ZNF500: variants seen among roughly 807,000 people sequenced by gnomAD.
ZNF500 encodes the protein zinc finger protein with KRAB and SCAN domains 18.
Under a neutral mutation model 30.1 loss-of-function variants are expected in ZNF500, and 31 were observed. The observed-to-expected ratio is 1.03, with a 90% CI of 0.77 to 1.39. ZNF500 has a LOEUF of 1.39. Ranked by LOEUF, ZNF500 falls within the 40% of genes most tolerant of loss-of-function variation. The pLI, the probability that ZNF500 is intolerant of heterozygous loss-of-function variation, is 0.00. For missense variants in ZNF500, 817 were observed against 657.8 expected (o/e 1.24, Z -2.65); for synonymous variants, 392 against 282.0 (o/e 1.39, Z -3.91).
At chr16:4,755,191 C>T (rs889801253) in intron 5 of ZNF500, among the ~76,000 whole-genome samples, 3 of 152,184 alleles carry the variant, frequency 2.0e-5, no homozygotes, top group Admixed American at 6.5e-5. Context: ...CACAGGGCCT[C>T]ACTATATTGC....
chr16:4,757,456 G>A (rs1288849165), intron 5 of ZNF500, among the ~76,000 whole-genome samples: 1 of 151,792 alleles, frequency 6.6e-6, no homozygotes, highest in East Asian at 1.9e-4. Context: ...GGGACTACAG[G>A]CATGCACCAC....
rs913435650 is a variant in ZNF500, at chr16:4,752,190, T to C, written c.*186A>G. 1.1e-5 allele frequency: 15 copies of C among 1,414,392 alleles called. No homozygotes were observed. In the African/African-American group the frequency reaches 1.7e-4, roughly 16 times the overall value. The allele number at this position is 1,414,392 out of a possible 1,614,324, so 87.6% of individuals were successfully genotyped here. A position where few individuals can be genotyped will look rare whatever the true frequency, so the allele number is the denominator to read the frequency against. Reference sequence around the variant, plus strand: ...GGACACTCAGAGCCTGTCCTTGCCCTTGTTCTGCACCCAGTGCCCAGCTTC... The same window carrying C: ...GGACACTCAGAGCCTGTCCTTGCCCCTGTTCTGCACCCAGTGCCCAGCTTC... On this transcript the variant is annotated 3_prime_UTR_variant, in exon 6 of 6. Coordinates refer to ENST00000219478, the MANE Select transcript of ZNF500 (RefSeq NM_021646.4).
downstream of ZNF500, chr16:4,744,791 G>C: frequency 6.7e-7 from 1 of 1,500,470 alleles, no homozygotes; most frequent in South Asian, 1.2e-5. Flanking sequence ...GAGACCCCAG[G>C]GGTCCTGAGG....
chr16:4,762,798 C>T, intron 2 of ZNF500, 42 bp from the exon 3 acceptor site: 1 of 1,540,096 alleles, frequency 6.5e-7, no homozygotes, highest in Non-Finnish European at 8.8e-7. Context: ...CCCAGAAGGC[C>T]AGAAGGAAAA....
downstream of ZNF500, chr16:4,746,319 G>C: frequency 1.3e-6 from 2 of 1,548,920 alleles, no homozygotes; most frequent in South Asian, 1.2e-5. Flanking sequence ...ACCCAGCGCA[G>C]GTCACAGAGT....
intron 1 of ZNF500, 132 bp from the exon 2 acceptor site, chr16:4,766,208 G>C (rs2082264019): frequency 4.4e-6 from 2 of 453,838 alleles, no homozygotes; most frequent in South Asian, 1.0e-4. Flanking sequence ...GTGGATGAAT[G>C]TCATCTTTGT....
At chr16:4,765,416 C>T in intron 2 of ZNF500, 149 bp downstream of exon 2, 1 of 1,119,670 alleles carries the variant, frequency 8.9e-7, no homozygotes, top group East Asian at 2.5e-5. Context: ...TTAGCCAAGG[C>T]TGAGAAATCT....
chr16:4,751,344 C>T lies in ZNF500; in HGVS notation c.*1032G>A. 2.0e-6 allele frequency: 1 copy of T among 512,038 alleles called. No individual in the cohort carries two copies. Among genetic ancestry groups the T allele is most frequent in the Admixed American group, 3.5e-5 (1 of 28,338 alleles). 31.7% of individuals were successfully genotyped at this position (512,038 alleles called of 1,614,324 possible). On this transcript the variant is annotated 3_prime_UTR_variant, in exon 6 of 6. Transcript: ENST00000219478. The stretch of plus-strand genomic sequence containing the variant: ...CAACCGTGGAAGGCCACATTCCAGA[C>T]ACTAAGGGGCCAGGAGCAAACGCAG...
At chr16:4,759,190 G>T (rs1379540501) in intron 5 of ZNF500, among the ~76,000 whole-genome samples, 1 of 151,486 alleles carries the variant, frequency 6.6e-6, no homozygotes, top group Non-Finnish European at 1.5e-5. Context: ...ACTCCAGCCT[G>T]GGCAACAGAG....
chr16:4,759,436 A>T (rs2082173629), intron 5 of ZNF500, among the ~76,000 whole-genome samples: 1 of 152,054 alleles, frequency 6.6e-6, no homozygotes, highest in African/African-American at 2.4e-5. Context: ...TCAGAGATAC[A>T]CTTGTACACC....
chr16:4,765,980 G>C lies in ZNF500; in HGVS notation c.-2C>G. ...CTGGAGGCCAGGGACAGTGGCCATT[G>C]CTTCCGGTGGGCCTTGTTCCTTTTC... is the stretch of plus-strand genomic sequence containing the variant. On this transcript the variant is annotated 5_prime_UTR_variant, in exon 2 of 6. Coordinates refer to ENST00000219478, the MANE Select transcript of ZNF500 (RefSeq NM_021646.4). 1 of 1,548,162 alleles carries C rather than the reference G, an allele frequency of 6.5e-7. No individual in the cohort carries two copies. The highest frequency in any genetic ancestry group is 8.7e-7 in the Non-Finnish European group (1 of 1,151,640).
rs2082077552 is a variant in ZNF500 at position 4,751,522 on chromosome 16, C to A, written c.*854G>T. 6.6e-7 allele frequency: 1 copy of A among 1,507,452 alleles called. No homozygotes were observed. The highest frequency in any genetic ancestry group is 8.9e-7 in the Non-Finnish European group (1 of 1,129,180). The allele number at this position is 1,507,452 out of a possible 1,614,324, so 93.4% of individuals were successfully genotyped here. On this transcript the variant is annotated 3_prime_UTR_variant, in exon 6 of 6. Coordinates refer to ENST00000219478, the MANE Select transcript of ZNF500 (RefSeq NM_021646.4). ...AAAGGGGACTGGAATGCTGCAGAGC[C>A]CCGGGCTCCATTTGGAAACTCTGGC...
intron 2 of ZNF500, 130 bp from the exon 3 acceptor site, chr16:4,762,886 C>T: frequency 1.4e-6 from 2 of 1,423,756 alleles, no homozygotes; most frequent in Non-Finnish European, 1.8e-6. Flanking sequence ...CAGCCTCCCT[C>T]CCTCTGCCCA....
chr16:4,749,061 G>C lies in ZNF500; in HGVS notation c.*3315C>G, dbSNP rs1192934956. 6.6e-6 allele frequency: 1 copy of C among 152,416 alleles called. No homozygotes were observed. The highest frequency in any genetic ancestry group is 6.5e-5 in the Admixed American group (1 of 15,294). The allele number at this position is 152,416 out of a possible 1,614,324, so 9.4% of individuals were successfully genotyped here. A position where few individuals can be genotyped will look rare whatever the true frequency, so the allele number is the denominator to read the frequency against. ...CCCAATGATGAGGGGCATTTTCATT[G>C]CAAGTCAAAGGCAAGACAGGCTTCC... On this transcript the variant is annotated 3_prime_UTR_variant, in exon 6 of 6. Transcript: ENST00000219478.
At position 4,766,062 on chromosome 16, in the gene ZNF500, G is replaced by A. The variant is rs1567543381; in HGVS notation, c.-84C>T. ...ACCTCTGGCCAGACACAGGAAGAGA[G>A]TTTTTTTCAGGGCCCTGTGGAGAGA... On this transcript the variant is annotated 5_prime_UTR_variant, in exon 2 of 6. Transcript: ENST00000219478. The A allele has an allele frequency of 6.9e-7, 1 of 1,454,994 alleles. No individual in the cohort carries two copies. Among genetic ancestry groups the A allele is most frequent in the Non-Finnish European group, 9.1e-7 (1 of 1,098,732 alleles). The allele number at this position is 1,454,994 out of a possible 1,614,324, so 90.1% of individuals were successfully genotyped here.
Position 4,749,877 on chromosome 16 carries a change from C to G in ZNF500, c.*2499G>C, listed in dbSNP as rs974533966. The G allele has an allele frequency of 6.6e-6, 1 of 152,240 alleles. No individual in the cohort carries two copies. The highest frequency in any genetic ancestry group is 1.5e-5 in the Non-Finnish European group (1 of 68,098). 9.4% of individuals were successfully genotyped at this position (152,240 alleles called of 1,614,324 possible). On this transcript the variant is annotated 3_prime_UTR_variant, in exon 6 of 6. Transcript: ENST00000219478. ...CACTGGACTGCATGAGATAACATCA[C>G]AGCACACGCAGGCACCTGGGACTCA...
At position 4,765,934 on chromosome 16, in the gene ZNF500, C is replaced by A. The variant is rs1452801030; in HGVS notation, c.45G>T (p.Gln15His). The A allele has an allele frequency of 3.1e-6, 5 of 1,601,134 alleles. No individual in the cohort carries two copies. In the East Asian group the frequency reaches 1.1e-4, roughly 36 times the overall value. ...TCAGGATCTCTTCCTGTTCCAGGTC[C>A]TGCTCCAAGGTTGGCAGGGGCTGGA... ...PGLQPLPTLE[Q>H]DLEQEEILIV... Residue 15 changes from glutamine (Q) to histidine (H), a missense_variant, in exon 2 of 6, where the codon CAG becomes CAT. Transcript: ENST00000219478.
At chr16:4,765,393 G>C (rs2082252809) in intron 2 of ZNF500, among the ~76,000 whole-genome samples, 172 bp downstream of exon 2, 1 of 152,190 alleles carries the variant, frequency 6.6e-6, no homozygotes, top group South Asian at 2.1e-4. Flanking sequence ...GTTAATCAAA[G>C]GGTGGACACC....
At position 4,752,836 on chromosome 16, in the gene ZNF500, G is replaced by C. The variant is rs756106395; in HGVS notation, c.983C>G (p.Pro328Arg). 2.5e-6 allele frequency: 4 copies of C among 1,614,116 alleles called. No individual in the cohort carries two copies. In the East Asian group the frequency reaches 8.9e-5, roughly 36 times the overall value. Residue 328 changes from proline to arginine, a missense_variant, in exon 6 of 6, where the codon CCC (proline) becomes CGC (arginine). By Grantham distance (103) the Pro-to-Arg change is moderately radical (BLOSUM62 -2). Coordinates refer to ENST00000219478, the MANE Select transcript of ZNF500 (RefSeq NM_021646.4). ...CTTGCTGAAGCCTTTGCCACATTCG[G>C]GGCAGGTGTACGGCTTGTCAGCCCC... ...SHGADKPYTC[P>R]ECGKGFSKTS...
Sources: gnomAD v4.1 joint callset for allele counts (sites outside exome capture counted in the v4.1 genomes callset) on GRCh38, gnomAD v4.1.1 for gene constraint, MANE v1.5 for transcripts, NCBI Gene and HGNC (gene_info 2026-07-23, HGNC 2026-07-21) for gene names.